RABGAP1L: variants seen among roughly 807,000 people sequenced by gnomAD.
RABGAP1L encodes RAB GTPase activating protein 1 like, also known as rab GTPase-activating protein 1-like.
In RABGAP1L, 63 loss-of-function variants were observed where a neutral mutation model predicts 137.7. The observed-to-expected ratio is 0.46, with a 90% CI of 0.37 to 0.56. The LOEUF is 0.56. RABGAP1L is among the 20% of genes least tolerant of loss of function. The pLI, the probability that RABGAP1L is intolerant of heterozygous loss-of-function variation, is 0.00. For synonymous variants in RABGAP1L, 431 were observed against 433.7 expected, an observed-to-expected ratio of 0.99 and a Z score of 0.08; for missense variants, 1,095 against 1,244.0, an observed-to-expected ratio of 0.88 and a Z score of 1.80.
chr1:174,228,330 A>AT (rs1329822611), intron 3 of RABGAP1L, among the ~76,000 whole-genome samples: 1 of 151,698 alleles, frequency 6.6e-6, no homozygotes, highest in Non-Finnish European at 1.5e-5. Flanking sequence ...TATTTATATT[A>AT]TTTTTTGTTG....
chr1:174,286,054 C>T (rs552238206), intron 10 of RABGAP1L, among the ~76,000 whole-genome samples: 3 of 152,110 alleles, frequency 2.0e-5, no homozygotes, highest in South Asian at 2.1e-4. Flanking sequence ...GTGATGTCTT[C>T]GTCTGGCTTT....
In RABGAP1L at chr1:174,488,636, T is replaced by C. The variant is rs556877488; in HGVS notation, c.1710+94491T>C. On this transcript the variant is annotated intron_variant, in intron 13 of 25. Coordinates refer to ENST00000681986, the MANE Select transcript of RABGAP1L (RefSeq NM_001366446.1). ...AACTTTCTAACCTTATCTCATTCTC[T>C]ACATTTTTTTAAGGCCAATAACTCT... is the stretch of plus-strand genomic sequence containing the variant. 2.0e-5 allele frequency among the ~76,000 whole-genome samples: 3 copies of C among 152,264 alleles called. No individual in the cohort carries two copies. In the East Asian group the frequency reaches 5.8e-4, roughly 29 times the overall value.
rs181124194 is a variant in RABGAP1L, at chr1:174,547,688, G to A, written c.1711-89687G>A. 1.7e-4 allele frequency: 116 copies of A among 665,106 alleles called. No homozygotes were observed. In the East Asian group the frequency reaches 3.1e-3, roughly 18 times the overall value. 41.2% of individuals were successfully genotyped at this position (665,106 alleles called of 1,614,324 possible). ...TTCTTTAAATGTGTGTAAATTGAAA[G>A]TAATTCTGTGTTCTTTTAGACATGG... On this transcript the variant is annotated intron_variant, in intron 13 of 25. Coordinates refer to ENST00000681986, the MANE Select transcript of RABGAP1L (RefSeq NM_001366446.1).
At chr1:174,464,822 GT>G (rs1243741070) in intron 13 of RABGAP1L, among the ~76,000 whole-genome samples, 2 of 151,390 alleles carry the variant, frequency 1.3e-5, no homozygotes, top group African/African-American at 4.9e-5. Context: ...TTTATGTATA[GT>G]TTTATTATAT....
At chr1:174,856,264 C>T (rs1334863050) in intron 19 of RABGAP1L, among the ~76,000 whole-genome samples, 1 of 151,854 alleles carries the variant, frequency 6.6e-6, no homozygotes, top group African/African-American at 2.4e-5. Context: ...GGTGTGGTGG[C>T]GGGCACCTGT....
At chr1:174,867,262 T>C (rs1368509758) in intron 19 of RABGAP1L, among the ~76,000 whole-genome samples, 1 of 151,728 alleles carries the variant, frequency 6.6e-6, no homozygotes, top group Non-Finnish European at 1.5e-5. Context: ...GCGCTTATAG[T>C]CCCAGCTGCT....
In RABGAP1L at chr1:174,409,715, C is replaced by T. The variant is rs180890939; in HGVS notation, c.1710+15570C>T. Among the ~76,000 whole-genome samples, 516 of 152,172 alleles carry T rather than the reference C, an allele frequency of 3.4e-3. 3 individuals are homozygous for T. Among genetic ancestry groups the T allele is most frequent in the African/African-American group, 0.012 (479 of 41,514 alleles). On this transcript the variant is annotated intron_variant, in intron 13 of 25. Transcript: ENST00000681986. ...GCATTCCTGGGGAGGGGTCTATAAA[C>T]GGCCACTCTGGAAGTATCTGTCTTA...
chr1:174,783,590 AC>A (rs1378166496), intron 18 of RABGAP1L, among the ~76,000 whole-genome samples: 2 of 152,206 alleles, frequency 1.3e-5, no homozygotes, highest in African/African-American at 4.8e-5. Context: ...TAGAATTGCG[AC>A]AACTTACTCA....
chr1:174,317,106 G>C (rs1396977535), intron 11 of RABGAP1L, among the ~76,000 whole-genome samples: 1 of 151,844 alleles, frequency 6.6e-6, no homozygotes, highest in Non-Finnish European at 1.5e-5. Context: ...CTGGAATCAG[G>C]GACTATAAGA....
chr1:174,732,282 G>C (rs1198612360), intron 17 of RABGAP1L, among the ~76,000 whole-genome samples: 2 of 151,842 alleles, frequency 1.3e-5, no homozygotes, highest in East Asian at 1.9e-4. Flanking sequence ...TAAAAGAAGA[G>C]AACTTAAGTA....
chr1:174,757,346 G>A (rs1684847529), intron 18 of RABGAP1L, among the ~76,000 whole-genome samples: 1 of 151,798 alleles, frequency 6.6e-6, no homozygotes, highest in African/African-American at 2.4e-5. Context: ...GATATCTCTG[G>A]GGTAAATTTC....
At chr1:174,912,366 C>G (rs1481176904) in intron 19 of RABGAP1L, among the ~76,000 whole-genome samples, 1 of 152,160 alleles carries the variant, frequency 6.6e-6, no homozygotes, top group African/African-American at 2.4e-5. Context: ...TGTTCTTGAA[C>G]TCCTGGCCTC....
intron 13 of RABGAP1L, among the ~76,000 whole-genome samples, chr1:174,576,631 A>G (rs1039110423): frequency 3.9e-5 from 6 of 152,174 alleles, no homozygotes; most frequent in African/African-American, 1.4e-4. Flanking sequence ...CCCTACATAT[A>G]TTTATAACTT....
intron 13 of RABGAP1L, among the ~76,000 whole-genome samples, chr1:174,615,878 G>A (rs534868853): frequency 3.9e-5 from 6 of 152,332 alleles, no homozygotes; most frequent in Middle Eastern, 3.4e-3. Flanking sequence ...AGGACCCTCC[G>A]AGCCAGGTGC....
chr1:174,625,797 T>A (rs181816898), intron 13 of RABGAP1L, among the ~76,000 whole-genome samples: 25 of 152,304 alleles, frequency 1.6e-4, no homozygotes, highest in Admixed American at 1.4e-3. Flanking sequence ...TTATAAACTG[T>A]AATAATTAGG....
At chr1:174,541,441 T>G (rs559136230) in intron 13 of RABGAP1L, among the ~76,000 whole-genome samples, 1 of 152,182 alleles carries the variant, frequency 6.6e-6, no homozygotes, top group South Asian at 2.1e-4. Context: ...CATAAATAGC[T>G]CTTATTATTT....
At chr1:174,680,495 T>C (rs1425153664) in intron 14 of RABGAP1L, among the ~76,000 whole-genome samples, 1 of 152,206 alleles carries the variant, frequency 6.6e-6, no homozygotes, top group African/African-American at 2.4e-5. Flanking sequence ...CTTTTGTTTA[T>C]AAGCTAATTA....
rs577214615 is a variant in RABGAP1L at position 174,980,492 on chromosome 1, G to A, written c.2733+1602G>A. Among the ~76,000 whole-genome samples, 24 of 152,300 alleles carry A rather than the reference G, an allele frequency of 1.6e-4. No individual in the cohort carries two copies. In the East Asian group the frequency reaches 3.9e-3, roughly 24 times the overall value. On this transcript the variant is annotated intron_variant, in intron 23 of 25. Transcript: ENST00000681986. ...ACCTTTTGAGCTGTGCTTCAAAGGC[G>A]ATGTAAGACTTGGATCTGTAGAGAT...
intron 17 of RABGAP1L, among the ~76,000 whole-genome samples, chr1:174,727,816 TTAAAA>T (rs1240400677): frequency 2.0e-5 from 3 of 152,244 alleles, no homozygotes; most frequent in Non-Finnish European, 2.9e-5. Context: ...TATGTGTTAC[TTAAAA>T]TAAATTTTTT....
Sources: gnomAD v4.1 joint callset for allele counts (sites outside exome capture counted in the v4.1 genomes callset) on GRCh38, gnomAD v4.1.1 for gene constraint, MANE v1.5 for transcripts, NCBI Gene and HGNC (gene_info 2026-07-23, HGNC 2026-07-21) for gene names.